Variants in VRK3 observed in about 807,000 individuals in gnomAD.
The protein encoded by VRK3 is serine/threonine-protein kinase VRK3.
Under a neutral mutation model 60.4 loss-of-function variants are expected in VRK3, and 50 were observed. That is an observed-to-expected ratio of 0.83 (90% CI 0.66 to 1.05). The LOEUF is 1.05. VRK3 is among the 50% of genes least tolerant of loss of function. The probability of loss-of-function intolerance (pLI) is 0.00; values close to 1 mark genes in which losing one functional copy is unlikely to be tolerated. For missense variants in VRK3, 549 were observed against 585.3 expected (o/e 0.94, Z 0.64); for synonymous variants, 246 against 227.8 (o/e 1.08, Z -0.72).
intron 10 of VRK3, among the ~76,000 whole-genome samples, chr19:49,990,357 C>A (rs758948478): frequency 1.3e-5 from 2 of 152,232 alleles, no homozygotes; most frequent in African/African-American, 4.8e-5. Context: ...CTGCCTGATA[C>A]ATAAAGTTAA....
At chr19:49,991,191 G>T (rs2076605320) in intron 10 of VRK3, among the ~76,000 whole-genome samples, 1 of 152,172 alleles carries the variant, frequency 6.6e-6, no homozygotes, top group Non-Finnish European at 1.5e-5. Context: ...TGTTCTGGAT[G>T]AGATGAACAT....
At position 49,995,195 on chromosome 19, in the gene VRK3, A is replaced by G. The variant is rs752024470; in HGVS notation, c.760T>C (p.Tyr254His). The G allele has an allele frequency of 6.2e-7, 1 of 1,614,190 alleles. No homozygotes were observed. Among genetic ancestry groups the G allele is most frequent in the Non-Finnish European group, 8.5e-7 (1 of 1,180,022 alleles). ...GCAGTGAGCAGAGCAGCTCACCTGT[A>G]TTTGTCCTGGTGAACACCGAAACCC... ...CMGFGVHQDK[Y>H]RFLVLPSLGR... Residue 254 changes from tyrosine (Y) to histidine (H), a missense_variant, in exon 8 of 15, where the codon TAC becomes CAC. Coordinates refer to ENST00000316763, the MANE Select transcript of VRK3 (RefSeq NM_016440.4).
At chr19:49,990,229 G>A (rs1325938004) in intron 10 of VRK3, among the ~76,000 whole-genome samples, 1 of 152,142 alleles carries the variant, frequency 6.6e-6, no homozygotes, top group Non-Finnish European at 1.5e-5. Context: ...CCTTGGGCAA[G>A]CTATACCAGT....
At chr19:50,017,360 AGGTCAG>A (rs1173695452) in intron 2 of VRK3, among the ~76,000 whole-genome samples, 1 of 152,064 alleles carries the variant, frequency 6.6e-6, no homozygotes, top group East Asian at 1.9e-4. Flanking sequence ...GGATCACCTG[AGGTCAG>A]GAGTCCAAGA....
intron 6 of VRK3, chr19:49,998,796 ACACACACACACG>A (rs2122223941): frequency 8.8e-6 from 1 of 113,536 alleles, no homozygotes; most frequent in African/African-American, 4.0e-5. Flanking sequence ...ACACACATAC[ACACACACACACG>A]CACACACAAA....
chr19:49,994,778 C>A, intron 9 of VRK3, 36 bp downstream of exon 9: 1 of 1,587,528 alleles, frequency 6.3e-7, no homozygotes. Context: ...ATGTGCCCTC[C>A]CTGACGCGGC....
At chr19:49,988,299 G>T in intron 12 of VRK3, 73 bp downstream of exon 12, 1 of 1,553,538 alleles carries the variant, frequency 6.4e-7, no homozygotes. Flanking sequence ...CTCCCAGTTG[G>T]GCTCTGGGCT....
chr19:49,981,110 T>C, intron 12 of VRK3, 97 bp from the exon 13 acceptor site: 5 of 1,056,778 alleles, frequency 4.7e-6, no homozygotes, highest in Admixed American at 2.3e-5. Context: ...CTAAGATATA[T>C]ACACAGTCCC....
At chr19:50,023,007 C>T (rs533987468) in intron 1 of VRK3, among the ~76,000 whole-genome samples, 1 of 152,250 alleles carries the variant, frequency 6.6e-6, no homozygotes, top group Admixed American at 6.5e-5. Flanking sequence ...AGCTTCGGTG[C>T]TTTTCCCCAA....
intron 3 of VRK3, chr19:50,015,599 G>A (rs1314495505): frequency 1.2e-5 from 2 of 172,896 alleles, no homozygotes; most frequent in Non-Finnish European, 2.5e-5. Flanking sequence ...ATGAGCCACT[G>A]TGCCCAGCCA....
chr19:50,016,217 G>A lies in VRK3; in HGVS notation c.-1-54C>T, dbSNP rs1169214705. 10 of 1,604,960 alleles carry A rather than the reference G, an allele frequency of 6.2e-6. No homozygotes were observed. In the East Asian group the frequency reaches 1.8e-4, roughly 29 times the overall value. On this transcript the variant is annotated intron_variant, in intron 2 of 14. Coordinates refer to ENST00000316763, the MANE Select transcript of VRK3 (RefSeq NM_016440.4). ...TGAAACGGGCCAGCTGAAGGTCAGT[G>A]GAAGTATTGTTGAACTGCTCTTAAT...
At chr19:50,023,053 A>C (rs1330682165) in intron 1 of VRK3, among the ~76,000 whole-genome samples, 1 of 152,102 alleles carries the variant, frequency 6.6e-6, no homozygotes, top group African/African-American at 2.4e-5. Flanking sequence ...AGACCTTTGC[A>C]CCTGCTCTCC....
At chr19:49,983,637 A>G (rs2076461517) in intron 12 of VRK3, among the ~76,000 whole-genome samples, 1 of 152,262 alleles carries the variant, frequency 6.6e-6, no homozygotes, top group Non-Finnish European at 1.5e-5. Flanking sequence ...GAATGCCAGA[A>G]AGCCTCGGGG....
chr19:50,013,440 A>C (rs796437825), intron 3 of VRK3, among the ~76,000 whole-genome samples: 120 of 152,362 alleles, frequency 7.9e-4, no homozygotes, highest in African/African-American at 2.7e-3. Context: ...AAAGAAAAGA[A>C]GAAATAAACC....
At position 49,980,259 on chromosome 19, in the gene VRK3, G is replaced by A. The variant is rs76294528; in HGVS notation, c.1276+696C>T. 1.9e-3 allele frequency among the ~76,000 whole-genome samples: 296 copies of A among 152,180 alleles called. 2 individuals carry two copies. Among genetic ancestry groups the A allele is most frequent in the African/African-American group, 6.8e-3 (283 of 41,532 alleles). ...AAGACAGTGCAAATACCCAGTAACAGGGATTGGCTTTATAAGTTACGGTGC... is the reference window on the plus strand; with the variant it reads ...AAGACAGTGCAAATACCCAGTAACAAGGATTGGCTTTATAAGTTACGGTGC... On this transcript the variant is annotated intron_variant, in intron 13 of 14. Transcript: ENST00000316763.
chr19:49,981,746 C>A (rs907618110), intron 12 of VRK3: 74 of 1,019,542 alleles, frequency 7.3e-5, no homozygotes, highest in Admixed American at 1.1e-4. Context: ...TGGGGGCACA[C>A]CGCACACCCA....
intron 3 of VRK3, among the ~76,000 whole-genome samples, chr19:50,011,549 T>C (rs1218354193): frequency 6.6e-6 from 1 of 152,124 alleles, no homozygotes; most frequent in Non-Finnish European, 1.5e-5. Flanking sequence ...GTTGCCTACT[T>C]GGTAGAAGCT....
intron 12 of VRK3, chr19:49,982,335 G>C (rs1324268057): frequency 1.5e-6 from 1 of 646,658 alleles, no homozygotes; most frequent in African/African-American, 1.8e-5. Context: ...GTGGCTGTTT[G>C]ATTTTTTGTG....
intron 5 of VRK3, among the ~76,000 whole-genome samples, chr19:50,004,028 G>A (rs1001375909): frequency 3.3e-5 from 5 of 152,324 alleles, no homozygotes; most frequent in East Asian, 1.9e-4. Context: ...TAGTGAGATC[G>A]TCTCTACTTT....
Sources: allele counts gnomAD v4.1 joint callset (sites outside exome capture counted in the v4.1 genomes callset), GRCh38; gene constraint gnomAD v4.1.1; transcripts MANE v1.5; gene names NCBI Gene and HGNC (gene_info 2026-07-23, HGNC 2026-07-21).